Variants in MYO9A observed in about 807,000 individuals in gnomAD.
The protein encoded by MYO9A is myosin IXA, also known as unconventional myosin-IXa.
Under a neutral mutation model 293.3 loss-of-function variants are expected in MYO9A, and 103 were observed. The observed-to-expected ratio is 0.35, with a 90% CI of 0.30 to 0.41. The LOEUF (loss-of-function observed/expected upper bound fraction) is 0.41. Ranked by LOEUF, MYO9A falls within the 10% of genes least tolerant of loss-of-function variation. The pLI, the probability that MYO9A is intolerant of heterozygous loss-of-function variation, is 1.00. For missense variants in MYO9A, 2,685 were observed against 3,033.0 expected, an observed-to-expected ratio of 0.89 and a Z score of 2.69; for synonymous variants, 1,001 against 1,035.7, an observed-to-expected ratio of 0.97 and a Z score of 0.64.
rs2076191613 is a variant in MYO9A at position 71,978,267 on chromosome 15, C to T, written c.1748G>A (p.Ser583Asn). 6.2e-7 allele frequency: 1 copy of T among 1,609,364 alleles called. No homozygotes were observed. The highest frequency in any genetic ancestry group is 2.2e-5 in the East Asian group (1 of 44,692). ...ATCAATGTAATCTATGTTGTGCCAG[C>T]TGATACCTTCAGTTCTATATTCCTC... ...EQEEYRTEGI[S>N]WHNIDYIDNT... is the part of the protein sequence containing the mutation. Residue 583 changes from serine (S) to asparagine (N), a missense_variant, in exon 12 of 42, where the codon AGC (serine) becomes AAC (asparagine). Ser to Asn is a conservative substitution (Grantham distance 46). Transcript: ENST00000356056.
chr15:71,996,088 C>T lies in MYO9A; in HGVS notation c.1471-1503G>A, dbSNP rs1026011128. Among the ~76,000 whole-genome samples the T allele has an allele frequency of 5.3e-5, 8 of 152,058 alleles. No homozygotes were observed. In the East Asian group the frequency reaches 1.5e-3, roughly 29 times the overall value. On this transcript the variant is annotated intron_variant, in intron 9 of 41. Transcript: ENST00000356056. The stretch of plus-strand genomic sequence containing the variant: ...ATGTGGAATCTGTGCATAAGGTGAA[C>T]CAACTATCAAGAAAACCAATGGCAG...
In MYO9A at chr15:72,094,955, T is replaced by C. The variant is rs909995125; in HGVS notation, c.-72+22725A>G. 7.6e-5 allele frequency among the ~76,000 whole-genome samples: 7 copies of C among 91,974 alleles called. 1 individual carries two copies. Among genetic ancestry groups the C allele is most frequent in the African/African-American group, 1.8e-4 (7 of 38,972 alleles). 60.3% of individuals were successfully genotyped at this position (91,974 alleles called of 152,430 possible). On this transcript the variant is annotated intron_variant, in intron 1 of 41. Transcript: ENST00000356056. ...CAATCAATGTTATGTGTGTTCTGAC[T>C]GCTCCATCGACCAGCTGTTCCCTGA...
At chr15:72,092,364 G>A (rs867221762) in intron 1 of MYO9A, among the ~76,000 whole-genome samples, 3 of 152,334 alleles carry the variant, frequency 2.0e-5, no homozygotes, top group Middle Eastern at 3.4e-3. Context: ...GAGAGTTCCT[G>A]ACAAGTTATT....
At chr15:72,080,451 A>T (rs1460139976) in intron 1 of MYO9A, among the ~76,000 whole-genome samples, 1 of 151,874 alleles carries the variant, frequency 6.6e-6, no homozygotes, top group East Asian at 1.9e-4. Context: ...CCTAGGAGAG[A>T]AGTGTCCACC....
rs75736015 is a variant in MYO9A, at chr15:71,824,960, A to ACTT, written c.*1617_*1619dup. 0.036 allele frequency: 5,425 copies of ACTT among 152,260 alleles called. 192 individuals are homozygous for ACTT. Among genetic ancestry groups the ACTT allele is most frequent in the East Asian group, 0.18 (955 of 5,180 alleles). The allele number at this position is 152,260 out of a possible 1,614,324, so 9.4% of individuals were successfully genotyped here. A position where few individuals can be genotyped will look rare whatever the true frequency, so the allele number is the denominator to read the frequency against. On this transcript the variant is annotated 3_prime_UTR_variant, in exon 42 of 42. Coordinates refer to ENST00000356056, the MANE Select transcript of MYO9A (RefSeq NM_006901.4). ...TAACAAAAGACTTAATATTTCCACA[A>ACTT]CTTCAAAGAAGTATGAAAAGGAAGA... is the stretch of plus-strand genomic sequence containing the variant.
rs2306487 is a variant in MYO9A at position 71,968,044 on chromosome 15, G to A, written c.1926C>T (p.Ala642=). ...TTATAATGAAAGCAGGCTCCATCAC[G>A]GCTGGAAATTCGATGTAAGAATTAT... The part of the protein sequence containing the change: ...HEDNSYIEFP[A]VMEPAFIIKH... The change falls in exon 13 of 42, where the codon GCC becomes GCT. Residue 642 remains alanine (A), a synonymous_variant. Coordinates refer to ENST00000356056, the MANE Select transcript of MYO9A (RefSeq NM_006901.4). The A allele has an allele frequency of 1.6e-4, 265 of 1,612,004 alleles. No individual in the cohort carries two copies. In the East Asian group the frequency reaches 4.3e-3, roughly 26 times the overall value.
intron 1 of MYO9A, among the ~76,000 whole-genome samples, chr15:72,062,663 A>T (rs2078910127): frequency 6.6e-6 from 1 of 152,186 alleles, no homozygotes; most frequent in Non-Finnish European, 1.5e-5. Context: ...AAGACAAAAG[A>T]AAAAAGAATA....
chr15:72,014,687 GAAAGA>G (rs1214354139), intron 6 of MYO9A, among the ~76,000 whole-genome samples: 2 of 135,670 alleles, frequency 1.5e-5, no homozygotes, highest in African/African-American at 5.5e-5. Context: ...TACCATGAAA[GAAAGA>G]AAAGAAAGAA....
rs1440614016 is a variant in MYO9A at position 71,850,151 on chromosome 15, C to G, written c.6598G>C (p.Asp2200His). 6.2e-7 allele frequency: 1 copy of G among 1,613,954 alleles called. No homozygotes were observed. Among genetic ancestry groups the G allele is most frequent in the African/African-American group, 1.3e-5 (1 of 74,918 alleles). Residue 2200 changes from aspartate to histidine, a missense_variant, in exon 38 of 42, where the codon GAC becomes CAC. By Grantham distance (81) the Asp-to-His change is moderately conservative. Transcript: ENST00000356056. Reference protein sequence around the residue: ...FHLVRIALQEDTNRMSANALA... With the variant: ...FHLVRIALQEHTNRMSANALA... Reference sequence around the variant, plus strand: ...GCATTAGCAGACATTCGATTAGTGTCTTCCTGCAGAGCAATCCTAAGAATT... The same window carrying G: ...GCATTAGCAGACATTCGATTAGTGTGTTCCTGCAGAGCAATCCTAAGAATT...
chr15:72,115,851 TAAC>T, intron 1 of MYO9A, among the ~76,000 whole-genome samples: 1 of 148,078 alleles, frequency 6.8e-6, no homozygotes, highest in African/African-American at 2.4e-5. Context: ...AACATACATA[TAAC>T]ATCAGACACA....
At chr15:71,933,834 G>A (rs2058551941) in intron 17 of MYO9A, 125 bp from the exon 18 acceptor site, 1 of 774,676 alleles carries the variant, frequency 1.3e-6, no homozygotes, top group African/African-American at 1.8e-5. Flanking sequence ...TACCAAGACT[G>A]TAGGTTCTTT....
At chr15:71,854,291 A>G in intron 35 of MYO9A, 86 bp downstream of exon 35, 1 of 1,078,336 alleles carries the variant, frequency 9.3e-7, no homozygotes, top group Non-Finnish European at 1.3e-6. Context: ...TAAGTAAAGG[A>G]TTGACATGTA....
At chr15:72,069,936 G>A (rs1016737134) in intron 1 of MYO9A, among the ~76,000 whole-genome samples, 24 of 151,272 alleles carry the variant, frequency 1.6e-4, no homozygotes, top group Admixed American at 4.0e-4. Context: ...TAGGCAACAC[G>A]GTGAAACCCT....
intron 18 of MYO9A, among the ~76,000 whole-genome samples, chr15:71,928,057 T>TA (rs1491302118): frequency 0.012 from 54 of 4,424 alleles, 1 homozygote; most frequent in African/African-American, 0.017. Flanking sequence ...TATATATATA[T>TA]TTTTTTTTTT....
chr15:71,952,407 GA>G (rs1187699813), intron 14 of MYO9A, among the ~76,000 whole-genome samples: 1 of 152,120 alleles, frequency 6.6e-6, no homozygotes, highest in Non-Finnish European at 1.5e-5. Flanking sequence ...CATAGAGCAG[GA>G]AAGCCCAGCA....
In MYO9A at chr15:71,951,862, T is replaced by C. The variant is rs776956147; in HGVS notation, c.2217A>G (p.Lys739=). 6.2e-7 allele frequency: 1 copy of C among 1,612,304 alleles called. No individual in the cohort carries two copies. The highest frequency in any genetic ancestry group is 1.1e-5 in the South Asian group (1 of 90,908). ...HDDTAPCAIL[K]SMDSFSFLQH... is the part of the protein sequence containing the mutation. The stretch of plus-strand genomic sequence containing the variant: ...GGAGAAAGCTAAAACTATCCATACT[T>C]TTCAAAATTGCACATGGCGCTGTAT... Residue 739 remains lysine, a synonymous_variant, in exon 15 of 42, where the codon AAA becomes AAG. Transcript: ENST00000356056.
chr15:71,915,227 T>G (rs16956385), intron 19 of MYO9A, among the ~76,000 whole-genome samples: 2 of 152,106 alleles, frequency 1.3e-5, no homozygotes, highest in Non-Finnish European at 2.9e-5. Context: ...CTCTGGATTG[T>G]GAGGACAGAA....
At chr15:71,934,377 C>A (rs1185829444) in intron 17 of MYO9A, among the ~76,000 whole-genome samples, 6 of 152,052 alleles carry the variant, frequency 3.9e-5, no homozygotes, top group African/African-American at 1.4e-4. Flanking sequence ...ACAGGGAGGA[C>A]AATACTACCT....
At chr15:71,884,831 C>T (rs1252373334) in intron 27 of MYO9A, among the ~76,000 whole-genome samples, 1 of 151,974 alleles carries the variant, frequency 6.6e-6, no homozygotes, top group Non-Finnish European at 1.5e-5. Context: ...CCTAATTTCA[C>T]AACTACTGTG....
Sources: gnomAD v4.1 joint callset for allele counts (sites outside exome capture counted in the v4.1 genomes callset) on GRCh38, gnomAD v4.1.1 for gene constraint, MANE v1.5 for transcripts, NCBI Gene and HGNC (gene_info 2026-07-23, HGNC 2026-07-21) for gene names.